PRAG1: variants seen among roughly 807,000 people sequenced by gnomAD.
The protein encoded by PRAG1 is inactive tyrosine-protein kinase PRAG1.
A neutral mutation model predicts 95.6 loss-of-function variants in PRAG1; 110 were observed. The observed-to-expected ratio is 1.15, with a 90% CI of 0.99 to 1.35. The LOEUF (loss-of-function observed/expected upper bound fraction) is 1.35, where lower values mean the gene tolerates loss of function less well. Among genes scored for constraint, PRAG1 ranks in the 40% most tolerant of loss-of-function variants. The pLI is 0.00. For missense variants in PRAG1, 2,554 were observed against 1,864.7 expected, an observed-to-expected ratio of 1.37 and a Z score of -6.81; for synonymous variants, 1,052 against 819.4, an observed-to-expected ratio of 1.28 and a Z score of -4.85.
chr8:8,339,478 C>T lies in PRAG1; in HGVS notation c.2320G>A (p.Gly774Ser). 1 of 1,613,728 alleles carries T rather than the reference C, an allele frequency of 6.2e-7. No homozygotes were observed. ...TCTCCGTCAATGTCAAGTTTGTTAC[C>T]TCCATCGCTGCAGGTCCTAGAGTCT... ...ASDSRTCSDG[G>S]PSSELAHSPT... The change falls in exon 4 of 6, where the codon GGT becomes AGT. Residue 774 changes from glycine to serine, a missense_variant and splice_region_variant. Gly to Ser is a moderately conservative substitution (Grantham distance 56). Coordinates refer to ENST00000615670, the MANE Select transcript of PRAG1 (RefSeq NM_001080826.3).
intron 3 of PRAG1, among the ~76,000 whole-genome samples, chr8:8,375,975 A>G (rs1015450598): frequency 6.6e-6 from 1 of 152,224 alleles, no homozygotes; most frequent in Admixed American, 6.5e-5. Context: ...AAATACAGGC[A>G]CCAACAAATG....
At chr8:8,385,332 AC>A (rs529032146) in intron 1 of PRAG1, among the ~76,000 whole-genome samples, 131 of 152,172 alleles carry the variant, frequency 8.6e-4, no homozygotes, top group Admixed American at 1.7e-3. Flanking sequence ...TACGATATTC[AC>A]CCAACTTTTC....
intron 2 of PRAG1, among the ~76,000 whole-genome samples, chr8:8,378,588 C>T (rs887368138): frequency 6.6e-6 from 1 of 152,028 alleles, no homozygotes; most frequent in South Asian, 2.1e-4. Context: ...AGCCAGATGC[C>T]GTGGCTCATA....
In PRAG1 at chr8:8,319,120, C is replaced by A. The variant is rs1231788985; in HGVS notation, c.3255G>T (p.Gln1085His). The A allele has an allele frequency of 6.2e-7, 1 of 1,607,310 alleles. No homozygotes were observed. The highest frequency in any genetic ancestry group is 8.5e-7 in the Non-Finnish European group (1 of 1,177,952). Residue 1085 changes from glutamine to histidine, a missense_variant, in exon 6 of 6, where the codon CAG becomes CAT. Physicochemically the swap from Gln to His is conservative, Grantham distance 24. Coordinates refer to ENST00000615670, the MANE Select transcript of PRAG1 (RefSeq NM_001080826.3). ...ALPTHPPAQE[Q>H]DCVVVITREV... is the part of the protein sequence containing the mutation. ...CTCGGGTGATGACCACCACGCAGTC[C>A]TGCTCCTGGGCAGGGGGGTGTGTGG...
In PRAG1 at chr8:8,376,550, G is replaced by A. The variant is rs978891725; in HGVS notation, c.1859C>T (p.Ala620Val). 1.9e-6 allele frequency: 3 copies of A among 1,609,406 alleles called. No homozygotes were observed. The highest frequency in any genetic ancestry group is 2.5e-6 in the Non-Finnish European group (3 of 1,176,616). ...SRCPQPAASS[A>V]SEQRRPRFQA... is the part of the protein sequence containing the mutation. ...GAACCTGGGCCGCCTCTGTTCCGAGGCTGACGAGGCGGCAGGCTGGGGACA... is the reference window on the plus strand; with the variant it reads ...GAACCTGGGCCGCCTCTGTTCCGAGACTGACGAGGCGGCAGGCTGGGGACA... Residue 620 changes from alanine to valine, a missense_variant, in exon 3 of 6, where the codon GCC becomes GTC. Ala to Val is a moderately conservative substitution (Grantham distance 64). Coordinates refer to ENST00000615670, the MANE Select transcript of PRAG1 (RefSeq NM_001080826.3).
chr8:8,356,820 A>G (rs1408741541), intron 3 of PRAG1, among the ~76,000 whole-genome samples: 1 of 152,252 alleles, frequency 6.6e-6, no homozygotes, highest in Non-Finnish European at 1.5e-5. Context: ...AAAGTGGAGT[A>G]CTAGCATATA....
At chr8:8,359,502 T>C (rs770069158) in intron 3 of PRAG1, among the ~76,000 whole-genome samples, 8 of 152,200 alleles carry the variant, frequency 5.3e-5, no homozygotes, top group Non-Finnish European at 1.2e-4. Context: ...GTCTAGACTA[T>C]CTGATTGATA....
intron 3 of PRAG1, among the ~76,000 whole-genome samples, chr8:8,359,439 C>A (rs570062205): frequency 6.6e-6 from 1 of 152,110 alleles, no homozygotes; most frequent in Non-Finnish European, 1.5e-5. Flanking sequence ...TTCTATTGAC[C>A]GGACCATCCT....
Position 8,318,641 on chromosome 8 carries a change from G to C in PRAG1, c.3734C>G (p.Ser1245Cys), listed in dbSNP as rs751861099. ...SQARLAPEIVSASQYRKFDEF... is the reference protein window; with the variant it reads ...SQARLAPEIVCASQYRKFDEF... The stretch of plus-strand genomic sequence containing the variant: ...ATCGAACTTGCGGTACTGGGAAGCA[G>C]ACACGATCTCGGGGGCCAGCCGGGC... Residue 1245 changes from serine (S) to cysteine (C), a missense_variant, in exon 6 of 6, where the codon TCT becomes TGT. Ser to Cys is a moderately radical substitution (Grantham distance 112). Transcript: ENST00000615670. This position sits in a 1 kb window ranked among gnomAD's most constrained non-coding sequence, Gnocchi z 4.2. The C allele has an allele frequency of 6.2e-7, 1 of 1,612,666 alleles. No homozygotes were observed. The highest frequency in any genetic ancestry group is 8.5e-7 in the Non-Finnish European group (1 of 1,179,896).
chr8:8,381,658 G>A lies in PRAG1; in HGVS notation c.90C>T (p.Cys30=), dbSNP rs536871138. ...CGCTCCGCAGGCAGAAGCAGTTCTT[G>A]CAGGACCCGGGTTTCCAGATGTGCT... The part of the protein sequence containing the change: ...FVEHIWKPGS[C]KNCFCLRSDH... The change falls in exon 2 of 6, where the codon TGC becomes TGT. Residue 30 remains cysteine, a synonymous_variant. Coordinates refer to ENST00000615670, the MANE Select transcript of PRAG1 (RefSeq NM_001080826.3). The A allele has an allele frequency of 9.9e-6, 16 of 1,613,924 alleles. No homozygotes were observed. The highest frequency in any genetic ancestry group is 1.6e-4 in the Middle Eastern group (1 of 6,062).
At chr8:8,349,294 T>A (rs1799444219) in intron 3 of PRAG1, among the ~76,000 whole-genome samples, 1 of 151,558 alleles carries the variant, frequency 6.6e-6, no homozygotes, top group Admixed American at 6.6e-5. Context: ...ATTTATTTAT[T>A]TTTTGAGACA....
intron 3 of PRAG1, among the ~76,000 whole-genome samples, chr8:8,371,831 C>T (rs973472657): frequency 1.3e-5 from 2 of 152,142 alleles, no homozygotes; most frequent in Admixed American, 1.3e-4. Context: ...CACCACTGCA[C>T]TCCAGCCTGG....
intron 4 of PRAG1, 34 bp from the exon 5 acceptor site, chr8:8,328,495 G>T (rs1197887482): frequency 1.9e-6 from 3 of 1,605,242 alleles, no homozygotes; most frequent in East Asian, 4.5e-5. Context: ...TAAGACCAAG[G>T]CCAGTGCCAC....
rs755645108 is a variant in PRAG1 at position 8,319,011 on chromosome 8, C to A, written c.3364G>T (p.Val1122Leu). 1.2e-6 allele frequency: 2 copies of A among 1,613,374 alleles called. No individual in the cohort carries two copies. The highest frequency in any genetic ancestry group is 1.3e-5 in the African/African-American group (1 of 75,028). The change falls in exon 6 of 6, where the codon GTG (valine) becomes TTG (leucine). Residue 1122 changes from valine to leucine, a missense_variant. Val to Leu is a conservative substitution (Grantham distance 32). Transcript: ENST00000615670. ...QAEPEAYERR[V>L]CFLLLQLCNG... ...CAGAGTTGCAGAAGCAGGAAGCACA[C>A]GCGCCGCTCGTACGCCTCGGGCTCC... is the stretch of plus-strand genomic sequence containing the variant.
In PRAG1 at chr8:8,327,654, C is replaced by T. The variant is rs549454690; in HGVS notation, c.3072+56G>A. The T allele has an allele frequency of 7.1e-6, 11 of 1,559,590 alleles. No homozygotes were observed. The South Asian group carries it at 9.8e-5, about 14-fold the overall frequency. ...ATGACTTGCTCAGGCCACAGTTCTG[C>T]CCAAGCCAGCACCAGCCAGTGGCAC... On this transcript the variant is annotated intron_variant, in intron 5 of 5. Transcript: ENST00000615670.
At chr8:8,380,305 A>C (rs992848940) in intron 2 of PRAG1, among the ~76,000 whole-genome samples, 1 of 150,516 alleles carries the variant, frequency 6.6e-6, no homozygotes, top group Non-Finnish European at 1.5e-5. Flanking sequence ...AAAATTAAAA[A>C]CTAAAAAAAT....
Position 8,378,007 on chromosome 8 carries a change from G to A in PRAG1, c.402C>T (p.Gly134=). 2 of 1,595,372 alleles carry A rather than the reference G, an allele frequency of 1.3e-6. No homozygotes were observed. Among genetic ancestry groups the A allele is most frequent in the Middle Eastern group, 1.7e-4 (1 of 5,964 alleles). Residue 134 remains glycine, a synonymous_variant, in exon 3 of 6, where the codon GGC becomes GGT. Coordinates refer to ENST00000615670, the MANE Select transcript of PRAG1 (RefSeq NM_001080826.3). ...CAGGCTTCTGTACACCTCGGAAGCTGCCCAGGTAGACGACGGGGGCATCCT... is the reference window on the plus strand; with the variant it reads ...CAGGCTTCTGTACACCTCGGAAGCTACCCAGGTAGACGACGGGGGCATCCT... The part of the protein sequence containing the change: ...KQEDAPVVYL[G]SFRGVQKPAG...
In PRAG1 at chr8:8,332,633, C is replaced by T. The variant is rs140279052; in HGVS notation, c.2321-4172G>A. On this transcript the variant is annotated intron_variant, in intron 4 of 5. Transcript: ENST00000615670. The stretch of plus-strand genomic sequence containing the variant: ...ACTCTTGGAGCCCCCACCCCCACCC[C>T]ACCACCTCCAGGCCACTCCAGGCCT... 6.0e-3 allele frequency among the ~76,000 whole-genome samples: 902 copies of T among 150,944 alleles called. 3 individuals are homozygous for T. The highest frequency in any genetic ancestry group is 0.018 in the African/African-American group (727 of 40,898).
chr8:8,364,006 T>C (rs904997410), intron 3 of PRAG1, among the ~76,000 whole-genome samples: 4 of 152,184 alleles, frequency 2.6e-5, no homozygotes, highest in African/African-American at 7.2e-5. Flanking sequence ...TAGAGATGAA[T>C]ACCTGGACTT....
Sources: gnomAD v4.1 joint callset for allele counts (sites outside exome capture counted in the v4.1 genomes callset) on GRCh38, gnomAD v4.1.1 for gene constraint, Gnocchi (gnomAD v3.1) non-coding constraint, MANE v1.5 for transcripts, NCBI Gene and HGNC (gene_info 2026-07-23, HGNC 2026-07-21) for gene names.